The following GRK1 variants were observed in gnomAD, a reference collection of about 807,000 sequenced individuals.
GRK1 encodes rhodopsin kinase GRK1.
In GRK1, 28 loss-of-function variants were observed where a neutral mutation model predicts 41.7. That is an observed-to-expected ratio of 0.67 (90% CI 0.50 to 0.92). The LOEUF (loss-of-function observed/expected upper bound fraction) is 0.92, where lower values mean the gene tolerates loss of function less well. GRK1 is among the 40% of genes least tolerant of loss of function. The pLI is 0.00. For missense variants in GRK1, 703 were observed against 671.2 expected (o/e 1.05, Z -0.52); for synonymous variants, 327 against 286.7 (o/e 1.14, Z -1.42).
At chr13:113,724,204 T>C (rs1298887022) in intron 4 of GRK1, among the ~76,000 whole-genome samples, 1 of 152,178 alleles carries the variant, frequency 6.6e-6, no homozygotes, top group African/African-American at 2.4e-5. Context: ...GTGCTTTACT[T>C]AACCTCCGAG....
In GRK1 at chr13:113,668,079, C is replaced by T. The variant is rs62621170; in HGVS notation, c.693C>T (p.Gly231=). 28,776 of 1,604,712 alleles carry T rather than the reference C, an allele frequency of 0.018. 323 individuals carry two copies. Among genetic ancestry groups the T allele is most frequent in the Non-Finnish European group, 0.022 (26,085 of 1,176,062 alleles). The change falls in exon 1 of 7, where the codon GGC becomes GGT. Residue 231 remains glycine (G), a synonymous_variant. Coordinates refer to ENST00000335678, the MANE Select transcript of GRK1 (RefSeq NM_002929.3). ...LNKKRLKKRK[G]YQGAMVEKKI... is the part of the protein sequence containing the mutation. Reference sequence around the variant, plus strand: ...AGAAGCGGCTGAAGAAGAGGAAGGGCTACCAGGTGAGCAGCGCGACCCGGC... The same window carrying T: ...AGAAGCGGCTGAAGAAGAGGAAGGGTTACCAGGTGAGCAGCGCGACCCGGC...
At chr13:113,653,522 G>A in the GRK1 span, 1 of 1,210,908 alleles carries the variant, frequency 8.3e-7, no homozygotes, top group Non-Finnish European at 1.2e-6. Flanking sequence ...ATACGCCAGA[G>A]GCGGTGGCCC....
the GRK1 span, chr13:113,649,568 CA>C: frequency 1.3e-5 from 19 of 1,456,172 alleles, no homozygotes; most frequent in African/African-American, 2.5e-4. This position sits in a 1 kb window ranked among gnomAD's most constrained non-coding sequence, Gnocchi z 4.7. Context: ...ACAGGTGTTT[CA>C]AAAATCTCTG....
At chr13:113,654,850 A>G in the GRK1 span, 40 of 1,614,106 alleles carry the variant, frequency 2.5e-5, no homozygotes, top group Non-Finnish European at 3.2e-5. Context: ...TCCGGTGTGT[A>G]CGGGTCCACT....
the GRK1 span, chr13:113,654,988 A>G: frequency 1.2e-6 from 2 of 1,610,918 alleles, no homozygotes; most frequent in Non-Finnish European, 1.7e-6. Flanking sequence ...AGCCATTTTA[A>G]CGCACACAAT....
Position 113,727,921 on chromosome 13 carries a change from C to T in GRK1, c.1070-3298C>T, listed in dbSNP as rs36182528. Reference sequence around the variant, plus strand: ...CCATGGCAATGAGGAGTACCCATGGCGATGAGGAGTACCCATGGCGATGAG... The same window carrying T: ...CCATGGCAATGAGGAGTACCCATGGTGATGAGGAGTACCCATGGCGATGAG... On this transcript the variant is annotated intron_variant, in intron 4 of 6. Coordinates refer to ENST00000335678, the MANE Select transcript of GRK1 (RefSeq NM_002929.3). 3.5e-4 allele frequency among the ~76,000 whole-genome samples: 30 copies of T among 84,802 alleles called. 1 individual carries two copies. The South Asian group carries it at 0.014, about 38-fold the overall frequency. 55.6% of individuals were successfully genotyped at this position (84,802 alleles called of 152,430 possible). A position where few individuals can be genotyped will look rare whatever the true frequency, so the allele number is the denominator to read the frequency against.
At chr13:113,669,627 C>G (rs1015331040) in intron 1 of GRK1, 60 bp from the exon 2 acceptor site, 1 of 1,603,248 alleles carries the variant, frequency 6.2e-7, no homozygotes, top group Non-Finnish European at 8.5e-7. Context: ...ACGGTCTCTG[C>G]GATGCACCTA....
At chr13:113,653,382 G>C in the GRK1 span, 1 of 1,614,236 alleles carries the variant, frequency 6.2e-7, no homozygotes, top group Admixed American at 1.7e-5. Context: ...CAGAGACGTT[G>C]TAGACAATTT....
intron 6 of GRK1, among the ~76,000 whole-genome samples, chr13:113,733,886 TGTGC>T (rs2049972775): frequency 1.0e-5 from 1 of 100,208 alleles, no homozygotes; most frequent in African/African-American, 4.6e-5. Flanking sequence ...TGCATACGTG[TGTGC>T]GTGTGTGTAT....
chr13:113,650,481 C>G, the GRK1 span: 23 of 1,613,622 alleles, frequency 1.4e-5, no homozygotes, highest in South Asian at 2.5e-4. The surrounding 1 kb of genome is among the most constrained non-coding windows in gnomAD (Gnocchi z 5.0). Flanking sequence ...TGACCTGCAG[C>G]GGCTGGCCGA....
At position 113,731,046 on chromosome 13, in the gene GRK1, C is replaced by T. The variant is rs973408966; in HGVS notation, c.1070-173C>T. ...AGGCAGAGTCTGGGGTGCTGCTTGG[C>T]ACCCAGTAACACACAGGGCAGCCCC... On this transcript the variant is annotated intron_variant, in intron 4 of 6. Transcript: ENST00000335678. This position sits in a 1 kb window ranked among gnomAD's most constrained non-coding sequence, Gnocchi z 5.6. The T allele has an allele frequency of 2.0e-6, 1 of 491,970 alleles. No homozygotes were observed. Among genetic ancestry groups the T allele is most frequent in the Non-Finnish European group, 2.6e-6 (1 of 379,448 alleles). 30.5% of individuals were successfully genotyped at this position (491,970 alleles called of 1,614,324 possible).
chr13:113,652,056 AGAGCAC>A, the GRK1 span, among the ~76,000 whole-genome samples: 2 of 152,132 alleles, frequency 1.3e-5, no homozygotes, highest in East Asian at 3.9e-4. Context: ...GCACTGAGAC[AGAGCAC>A]GGGCCGGCCT....
At chr13:113,655,814 G>T in the GRK1 span, among the ~76,000 whole-genome samples, 1 of 152,216 alleles carries the variant, frequency 6.6e-6, no homozygotes, top group East Asian at 1.9e-4. Context: ...GTTCTCCAGT[G>T]ACCCAAAACA....
At chr13:113,652,756 C>G in the GRK1 span, 1 of 1,205,820 alleles carries the variant, frequency 8.3e-7, no homozygotes, top group Non-Finnish European at 1.2e-6. Context: ...AGGCTGGAGT[C>G]CCTGTCCCGC....
the GRK1 span, chr13:113,651,635 C>G: frequency 3.8e-6 from 6 of 1,561,770 alleles, no homozygotes; most frequent in Non-Finnish European, 5.2e-6. Flanking sequence ...AGCTCCTTTC[C>G]TGGGGCAGCC....
the GRK1 span, among the ~76,000 whole-genome samples, chr13:113,650,887 G>A: frequency 2.0e-5 from 3 of 152,098 alleles, no homozygotes; most frequent in Non-Finnish European, 2.9e-5. This position sits in a 1 kb window ranked among gnomAD's most constrained non-coding sequence, Gnocchi z 5.0. Context: ...AAGCGAATGC[G>A]TTTTTGTGAG....
At chr13:113,654,563 G>A in the GRK1 span, among the ~76,000 whole-genome samples, 55 of 152,370 alleles carry the variant, frequency 3.6e-4, 1 homozygote, top group East Asian at 7.7e-3. Context: ...TTTATAATTT[G>A]GAGTCATTTT....
chr13:113,731,421 C>A lies in GRK1; in HGVS notation c.1194+78C>A. 1 of 1,517,766 alleles carries A rather than the reference C, an allele frequency of 6.6e-7. No individual in the cohort carries two copies. 94.0% of individuals were successfully genotyped at this position (1,517,766 alleles called of 1,614,324 possible). A position where few individuals can be genotyped will look rare whatever the true frequency, so the allele number is the denominator to read the frequency against. Reference sequence around the variant, plus strand: ...GATGGGGACGGGGCAGTGATGGGATCGTTACTGGGGCAGACCTGGGAGTTG... The same window carrying A: ...GATGGGGACGGGGCAGTGATGGGATAGTTACTGGGGCAGACCTGGGAGTTG... On this transcript the variant is annotated intron_variant, in intron 5 of 6. Coordinates refer to ENST00000335678, the MANE Select transcript of GRK1 (RefSeq NM_002929.3). This position sits in a 1 kb window ranked among gnomAD's most constrained non-coding sequence, Gnocchi z 5.6.
intron 5 of GRK1, 160 bp from the exon 6 acceptor site, chr13:113,732,724 C>T (rs534596675): frequency 7.5e-6 from 2 of 267,786 alleles, no homozygotes; most frequent in Non-Finnish European, 1.1e-5. Context: ...ATTCCTGAGA[C>T]TGGAGCCTCA....
Sources: allele counts gnomAD v4.1 joint callset (sites outside exome capture counted in the v4.1 genomes callset), GRCh38; gene constraint gnomAD v4.1.1; non-coding constraint Gnocchi (gnomAD v3.1); transcripts MANE v1.5; gene names NCBI Gene and HGNC (gene_info 2026-07-23, HGNC 2026-07-21).